DACH2: variants seen among roughly 807,000 people sequenced by gnomAD.
DACH2 encodes the protein dachshund family transcription factor 2, also known as dachshund homolog 2.
DACH2 carries 17 observed loss-of-function variants against 35.8 expected under a neutral mutation model. That is an observed-to-expected ratio of 0.48 (90% CI 0.33 to 0.71). The LOEUF is 0.71. Among genes scored for constraint, DACH2 ranks in the 30% least tolerant of loss-of-function variants. The probability of loss-of-function intolerance (pLI) is 0.02; values close to 1 mark genes in which losing one functional copy is unlikely to be tolerated. For missense variants in DACH2, 469 were observed against 472.7 expected (o/e 0.99, Z 0.07); for synonymous variants, 195 against 177.3 (o/e 1.10, Z -0.79).
chrX:86,445,203 G>A (rs1031963721), intron 2 of DACH2, among the ~76,000 whole-genome samples: 1 of 109,494 alleles, frequency 9.1e-6, no homozygotes, highest in African/African-American at 3.3e-5. Context: ...TTGGTATGCT[G>A]TTTCGAATTT....
intron 1 of DACH2, among the ~76,000 whole-genome samples, chrX:86,207,395 G>C (rs1380410226): frequency 9.0e-6 from 1 of 111,016 alleles, no homozygotes; most frequent in Non-Finnish European, 1.9e-5. Flanking sequence ...TTTAGTGGAT[G>C]TATTGCATCC....
At chrX:86,718,350 T>C (rs1161890785) in intron 6 of DACH2, among the ~76,000 whole-genome samples, 1 of 111,423 alleles carries the variant, frequency 9.0e-6, no homozygotes, top group Admixed American at 9.6e-5. Flanking sequence ...TTTTGAGTTG[T>C]TTGAGTTCCT....
intron 3 of DACH2, among the ~76,000 whole-genome samples, chrX:86,640,938 A>G (rs1466972963): frequency 8.9e-6 from 1 of 112,349 alleles, no homozygotes; most frequent in Non-Finnish European, 1.9e-5. Context: ...CATCCAAAAA[A>G]GAAGTCTATT....
chrX:86,665,913 T>C lies in DACH2; in HGVS notation c.772+14746T>C, dbSNP rs376813750. Among the ~76,000 whole-genome samples the C allele has an allele frequency of 2.7e-5, 3 of 111,725 alleles. No individual in the cohort carries two copies. The South Asian group carries it at 1.1e-3, about 41-fold the overall frequency. On this transcript the variant is annotated intron_variant, in intron 4 of 11. Transcript: ENST00000373125. Reference sequence around the variant, plus strand: ...AAACAGATGTGCATACTTCGACATATAGATGGTTAAACTTTCTTTTCATAA... The same window carrying C: ...AAACAGATGTGCATACTTCGACATACAGATGGTTAAACTTTCTTTTCATAA...
rs747055919 is a variant in DACH2, at chrX:86,279,804, C to A, written c.489-97020C>A. Among the ~76,000 whole-genome samples the A allele has an allele frequency of 2.7e-5, 3 of 109,644 alleles. No individual in the cohort carries two copies. In the South Asian group the frequency reaches 1.2e-3, roughly 44 times the overall value. On this transcript the variant is annotated intron_variant, in intron 1 of 11. Coordinates refer to ENST00000373125, the MANE Select transcript of DACH2 (RefSeq NM_053281.3). ...TAGACAAATTTCTAACTAGAATAAACAGTTTGGAGAAGAACATAAATGACC... is the reference window on the plus strand; with the variant it reads ...TAGACAAATTTCTAACTAGAATAAAAAGTTTGGAGAAGAACATAAATGACC...
At chrX:86,457,142 T>C (rs1458407663) in intron 2 of DACH2, among the ~76,000 whole-genome samples, 1 of 111,145 alleles carries the variant, frequency 9.0e-6, no homozygotes, top group Non-Finnish European at 1.9e-5. Context: ...GGCTAAGGAG[T>C]TGTCTCACTA....
intron 1 of DACH2, among the ~76,000 whole-genome samples, chrX:86,347,281 T>C (rs1342467107): frequency 8.9e-6 from 1 of 112,748 alleles, no homozygotes; most frequent in East Asian, 2.8e-4. Context: ...AAGTGCAATT[T>C]GGATTTTCCC....
chrX:86,640,174 C>T (rs988010163), intron 3 of DACH2, among the ~76,000 whole-genome samples: 2 of 110,986 alleles, frequency 1.8e-5, no homozygotes, highest in African/African-American at 6.6e-5. Context: ...GCCCTCCAGC[C>T]TGTGCTTCCA....
intron 2 of DACH2, among the ~76,000 whole-genome samples, chrX:86,381,611 G>A (rs923721462): frequency 9.0e-6 from 1 of 110,657 alleles, no homozygotes; most frequent in South Asian, 3.7e-4. Context: ...TTAAGTTACA[G>A]TATTAGACTA....
rs2036283780 is a variant in DACH2, at chrX:86,396,061, C to G, written c.527+19199C>G. Among the ~76,000 whole-genome samples, 8 of 111,433 alleles carry G rather than the reference C, an allele frequency of 7.2e-5. No individual in the cohort carries two copies. In the Admixed American group the frequency reaches 7.6e-4, roughly 11 times the overall value. The stretch of plus-strand genomic sequence containing the variant: ...CTCTCCAGCACCTGTTGTTTCCTGA[C>G]TTTTTAATGATTGCCATTCTAACTG... On this transcript the variant is annotated intron_variant, in intron 2 of 11. Transcript: ENST00000373125.
intron 4 of DACH2, among the ~76,000 whole-genome samples, chrX:86,686,979 A>G (rs745497422): frequency 3.6e-5 from 4 of 112,349 alleles, no homozygotes; most frequent in African/African-American, 1.3e-4. Context: ...TGAATTTTAC[A>G]TTTACTTCGT....
chrX:86,716,664 A>G (rs759429512), intron 6 of DACH2, among the ~76,000 whole-genome samples: 1 of 112,149 alleles, frequency 8.9e-6, no homozygotes, highest in Non-Finnish European at 1.9e-5. Context: ...CATAAATACC[A>G]TATTTAATTA....
chrX:86,203,274 T>C (rs145006343), intron 1 of DACH2, among the ~76,000 whole-genome samples: 5,014 of 111,157 alleles, frequency 0.045, 278 homozygotes, highest in African/African-American at 0.15. Flanking sequence ...AATTAGAAGA[T>C]TGCATTTGTA....
intron 1 of DACH2, among the ~76,000 whole-genome samples, chrX:86,207,776 T>C (rs1291165530): frequency 1.8e-5 from 2 of 111,150 alleles, no homozygotes; most frequent in Non-Finnish European, 3.8e-5. Flanking sequence ...AAGTTTTGAC[T>C]TAAAACATTT....
At chrX:86,167,654 T>TA (rs1486953448) in intron 1 of DACH2, among the ~76,000 whole-genome samples, 2 of 111,475 alleles carry the variant, frequency 1.8e-5, no homozygotes, top group East Asian at 5.6e-4. Flanking sequence ...TTTGAAGTTT[T>TA]TCTTCTTTTT....
chrX:86,338,928 C>A (rs2035366678), intron 1 of DACH2, among the ~76,000 whole-genome samples: 1 of 112,141 alleles, frequency 8.9e-6, no homozygotes, highest in African/African-American at 3.2e-5. Context: ...TCAGAGAATA[C>A]TGTAAACATC....
rs952307641 is a variant in DACH2 at position 86,250,315 on chromosome X, A to G, written c.488+101207A>G. On this transcript the variant is annotated intron_variant, in intron 1 of 11. Coordinates refer to ENST00000373125, the MANE Select transcript of DACH2 (RefSeq NM_053281.3). ...GAAGATTTGAGATTATCAAAGGTAA[A>G]CCATTAAAATGTTGTCAATGTGGTC... is the stretch of plus-strand genomic sequence containing the variant. 7.2e-5 allele frequency among the ~76,000 whole-genome samples: 8 copies of G among 111,710 alleles called. No individual in the cohort carries two copies. The East Asian group carries it at 2.3e-3, about 32-fold the overall frequency.
intron 1 of DACH2, chrX:86,304,859 T>C (rs2034649099): frequency 7.4e-6 from 1 of 134,323 alleles, no homozygotes; most frequent in African/African-American, 3.2e-5. Flanking sequence ...GGATGCAGAA[T>C]ACCTGGATGA....
At chrX:86,603,414 A>G (rs2039816971) in intron 3 of DACH2, among the ~76,000 whole-genome samples, 1 of 109,772 alleles carries the variant, frequency 9.1e-6, no homozygotes, top group Non-Finnish European at 1.9e-5. Context: ...TCCTTTTCGC[A>G]TGCAAAATAC....
Sources: gnomAD v4.1 joint callset for allele counts (sites outside exome capture counted in the v4.1 genomes callset) on GRCh38, gnomAD v4.1.1 for gene constraint, MANE v1.5 for transcripts, NCBI Gene and HGNC (gene_info 2026-07-23, HGNC 2026-07-21) for gene names.